Variants in MKNK2 observed in about 807,000 individuals in gnomAD.
MKNK2 encodes the protein MAP kinase-interacting serine/threonine-protein kinase 2.
MKNK2 carries 54 observed loss-of-function variants against 55.0 expected under a neutral mutation model. The observed-to-expected ratio is 0.98, with a 90% CI of 0.79 to 1.23. The LOEUF (loss-of-function observed/expected upper bound fraction) is 1.23. Among genes scored for constraint, MKNK2 ranks in the 50% most tolerant of loss-of-function variants. The probability of loss-of-function intolerance (pLI) is 0.00; values close to 1 mark genes in which losing one functional copy is unlikely to be tolerated. For missense variants in MKNK2, 685 were observed against 632.1 expected (o/e 1.08, Z -0.90); for synonymous variants, 323 against 256.0 (o/e 1.26, Z -2.50).
In MKNK2 at chr19:2,039,423, G is replaced by C; in HGVS notation, c.*190C>G. The stretch of plus-strand genomic sequence containing the variant: ...ATCCAAAGGAAAAAATAACGGGGAG[G>C]GGTGGAAACAGGAAAAAAAAAACCC... On this transcript the variant is annotated 3_prime_UTR_variant, in exon 14 of 14. Transcript: ENST00000250896. 1.4e-6 allele frequency: 2 copies of C among 1,401,774 alleles called. No homozygotes were observed. The highest frequency in any genetic ancestry group is 1.9e-6 in the Non-Finnish European group (2 of 1,080,982). The allele number at this position is 1,401,774 out of a possible 1,614,324, so 86.8% of individuals were successfully genotyped here.
At chr19:2,042,406 G>A in intron 10 of MKNK2, 21 bp downstream of exon 10, 1 of 1,554,912 alleles carries the variant, frequency 6.4e-7, no homozygotes, top group Non-Finnish European at 8.7e-7. Flanking sequence ...CGAGCCCCCA[G>A]CCCTCCCCGC....
At position 2,042,417 on chromosome 19, in the gene MKNK2, G is replaced by A. The variant is rs759765857; in HGVS notation, c.750+10C>T. On this transcript the variant is annotated intron_variant, in intron 10 of 13. Transcript: ENST00000250896. ...CGGCCGAGCCCCCAGCCCTCCCCGC[G>A]GGCCCTCACCGGAGTGAGCAGCTCC... 4 of 1,564,338 alleles carry A rather than the reference G, an allele frequency of 2.6e-6. No homozygotes were observed. The highest frequency in any genetic ancestry group is 2.7e-5 in the African/African-American group (2 of 74,132).
At chr19:2,049,902 G>A (rs1170807316) in intron 2 of MKNK2, among the ~76,000 whole-genome samples, 2 of 152,022 alleles carry the variant, frequency 1.3e-5, no homozygotes, top group Non-Finnish European at 2.9e-5. Context: ...GTACACACAA[G>A]ACAGAGACAC....
chr19:2,045,758 C>T (rs117946908), intron 5 of MKNK2, among the ~76,000 whole-genome samples: 1 of 152,212 alleles, frequency 6.6e-6, no homozygotes, highest in African/African-American at 2.4e-5. Context: ...AGAGCCTCAA[C>T]AGGGCTCCTG....
rs1470098018 is a variant in MKNK2, at chr19:2,037,977, T to A, written c.*1636A>T. On this transcript the variant is annotated 3_prime_UTR_variant, in exon 14 of 14. Transcript: ENST00000250896. ...GCAGAGAATCCCCCGTTACGAAACA[T>A]GGAATCACTGACAGGCGAGAAGTGA... 7.3e-7 allele frequency: 1 copy of A among 1,372,786 alleles called. No individual in the cohort carries two copies. The highest frequency in any genetic ancestry group is 9.5e-7 in the Non-Finnish European group (1 of 1,053,756). 85.0% of individuals were successfully genotyped at this position (1,372,786 alleles called of 1,614,324 possible).
chr19:2,049,152 G>A (rs2017059845), intron 2 of MKNK2, among the ~76,000 whole-genome samples: 1 of 152,160 alleles, frequency 6.6e-6, no homozygotes, highest in South Asian at 2.1e-4. Context: ...CAGCGGAGGG[G>A]CCAGGCACCA....
At chr19:2,043,975 CAAAAAAAAAAA>C (rs34533507) in intron 5 of MKNK2, among the ~76,000 whole-genome samples, 5 of 23,850 alleles carry the variant, frequency 2.1e-4, no homozygotes, top group East Asian at 1.3e-3. Flanking sequence ...GACTTCGCCT[CAAAAAAAAAAA>C]AAAAAAAAAA....
chr19:2,048,535 C>G (rs2017047791), intron 2 of MKNK2, among the ~76,000 whole-genome samples: 1 of 152,098 alleles, frequency 6.6e-6, no homozygotes, highest in Admixed American at 6.6e-5. Flanking sequence ...GGTCCCAGTC[C>G]CAGTGAGGAT....
intron 5 of MKNK2, among the ~76,000 whole-genome samples, chr19:2,045,481 A>T (rs1430644494): frequency 1.3e-5 from 2 of 152,054 alleles, no homozygotes; most frequent in Non-Finnish European, 2.9e-5. Flanking sequence ...CTGTGGTCCC[A>T]GCACCTAGCC....
In MKNK2 at chr19:2,041,181, C is replaced by T. The variant is rs762753853; in HGVS notation, c.969G>A (p.Gln323=). The change falls in exon 12 of 14, where the codon CAG becomes CAA. Residue 323 remains glutamine (Q), a synonymous_variant. Coordinates refer to ENST00000250896, the MANE Select transcript of MKNK2 (RefSeq NM_199054.3). The part of the protein sequence containing the change: ...ACQNMLFESI[Q]EGKYEFPDKD... ...TGTCGGGGAACTCGTACTTGCCCTCCTGGATGCTCTCAAACAGCATGTTCT... is the reference window on the plus strand; with the variant it reads ...TGTCGGGGAACTCGTACTTGCCCTCTTGGATGCTCTCAAACAGCATGTTCT... 1 of 1,613,700 alleles carries T rather than the reference C, an allele frequency of 6.2e-7. No individual in the cohort carries two copies. The highest frequency in any genetic ancestry group is 8.5e-7 in the Non-Finnish European group (1 of 1,179,752).
intron 5 of MKNK2, among the ~76,000 whole-genome samples, chr19:2,043,930 C>G (rs1298194197): frequency 7.1e-6 from 1 of 140,576 alleles, no homozygotes; most frequent in Admixed American, 7.6e-5. Flanking sequence ...GCTGAGATCG[C>G]GCCATTGCAC....
intron 11 of MKNK2, 72 bp downstream of exon 11, chr19:2,041,768 G>A (rs919208471): frequency 1.2e-4 from 161 of 1,305,700 alleles, no homozygotes; most frequent in Non-Finnish European, 1.6e-4. Context: ...GGTCCCCTGG[G>A]GTTAGGGGGT....
rs573953418 is a variant in MKNK2, at chr19:2,038,239, G to A, written c.*1374C>T. ...CAAGAACAGGGAAGCAAAGTCCATC[G>A]ATGTGTTGTTTTTTTTTAAGGAAAA... is the stretch of plus-strand genomic sequence containing the variant. On this transcript the variant is annotated 3_prime_UTR_variant, in exon 14 of 14. Coordinates refer to ENST00000250896, the MANE Select transcript of MKNK2 (RefSeq NM_199054.3). 146 of 990,466 alleles carry A rather than the reference G, an allele frequency of 1.5e-4. 1 individual carries two copies. The South Asian group carries it at 5.4e-3, about 36-fold the overall frequency. 61.4% of individuals were successfully genotyped at this position (990,466 alleles called of 1,614,324 possible). A position where few individuals can be genotyped will look rare whatever the true frequency, so the allele number is the denominator to read the frequency against.
rs1568234283 is a variant in MKNK2 at position 2,039,433 on chromosome 19, A to AG, written c.*179dup. On this transcript the variant is annotated 3_prime_UTR_variant, in exon 14 of 14. Transcript: ENST00000250896. ...AAAAATAACGGGGAGGGGTGGAAACAGGAAAAAAAAAACCCAAAAGCAAAA... is the reference window on the plus strand; with the variant it reads ...AAAAATAACGGGGAGGGGTGGAAACAGGGAAAAAAAAAACCCAAAAGCAAAA... 4.3e-6 allele frequency: 6 copies of AG among 1,381,084 alleles called. No individual in the cohort carries two copies. Among genetic ancestry groups the AG allele is most frequent in the Non-Finnish European group, 4.7e-6 (5 of 1,067,348 alleles). The allele number at this position is 1,381,084 out of a possible 1,614,324, so 85.6% of individuals were successfully genotyped here.
intron 12 of MKNK2, 111 bp from the exon 13 acceptor site, chr19:2,040,288 A>C (rs981806533): frequency 2.0e-6 from 2 of 992,002 alleles, no homozygotes; most frequent in African/African-American, 3.3e-5. Flanking sequence ...CCAGGACCCC[A>C]CCGGAGACCA....
intron 12 of MKNK2, chr19:2,040,488 G>A (rs767723787): frequency 4.8e-5 from 20 of 412,394 alleles, no homozygotes; most frequent in Middle Eastern, 6.3e-4. Flanking sequence ...ACCCACCTCC[G>A]CCCCCCTCTT....
intron 7 of MKNK2, 95 bp downstream of exon 7, chr19:2,043,029 C>T (rs1330569030): frequency 1.5e-6 from 2 of 1,309,208 alleles, no homozygotes; most frequent in South Asian, 1.3e-5. Context: ...GCAGGACACT[C>T]ACCCCACAAG....
chr19:2,041,279 C>G, intron 11 of MKNK2, 75 bp from the exon 12 acceptor site: 1 of 1,511,752 alleles, frequency 6.6e-7, no homozygotes. Context: ...GTGGCTCCAA[C>G]CGGACCCCAA....
chr19:2,043,272 G>A (rs2302585), intron 6 of MKNK2, 75 bp from the exon 7 acceptor site: 390,342 of 1,292,252 alleles, frequency 0.3, 62,036 homozygotes, highest in East Asian at 0.52. Flanking sequence ...CGGCCTAGGA[G>A]GGGCCCACCC....
Sources: allele counts gnomAD v4.1 joint callset (sites outside exome capture counted in the v4.1 genomes callset), GRCh38; gene constraint gnomAD v4.1.1; transcripts MANE v1.5; gene names NCBI Gene and HGNC (gene_info 2026-07-23, HGNC 2026-07-21).